The following DENND2C variants were observed in gnomAD, a reference collection of about 807,000 sequenced individuals.
DENND2C encodes DENN domain containing 2C.
A neutral mutation model predicts 112.4 loss-of-function variants in DENND2C; 72 were observed. The observed-to-expected ratio is 0.64, with a 90% CI of 0.53 to 0.78. The LOEUF (loss-of-function observed/expected upper bound fraction) is 0.78. Ranked by LOEUF, DENND2C falls within the 30% of genes least tolerant of loss-of-function variation. DENND2C has a pLI of 0.00. For missense variants in DENND2C, 992 were observed against 1,113.8 expected, an observed-to-expected ratio of 0.89 and a Z score of 1.56; for synonymous variants, 329 against 381.6, an observed-to-expected ratio of 0.86 and a Z score of 1.61.
chr1:114,590,778 C>CA (rs33970610), intron 18 of DENND2C, among the ~76,000 whole-genome samples: 69,440 of 112,956 alleles, frequency 0.61, 22,297 homozygotes, highest in African/African-American at 0.71. Flanking sequence ...GACTCCGTCT[C>CA]AAAAAAAAAA....
At chr1:114,628,970 C>G (rs1656418326) in intron 3 of DENND2C, among the ~76,000 whole-genome samples, 1 of 152,206 alleles carries the variant, frequency 6.6e-6, no homozygotes, top group Non-Finnish European at 1.5e-5. Context: ...CTTCCTAAAG[C>G]CAACTTATTT....
intron 3 of DENND2C, among the ~76,000 whole-genome samples, chr1:114,644,380 A>G (rs1253301812): frequency 6.6e-6 from 1 of 152,190 alleles, no homozygotes; most frequent in Non-Finnish European, 1.5e-5. Flanking sequence ...AGCACCCAGA[A>G]GAGTATGCAC....
intron 1 of DENND2C, among the ~76,000 whole-genome samples, chr1:114,667,870 T>C (rs1319116893): frequency 6.6e-6 from 1 of 152,194 alleles, no homozygotes; most frequent in Middle Eastern, 3.2e-3. Context: ...CTTAATGAGA[T>C]AATCATAATA....
intron 2 of DENND2C, among the ~76,000 whole-genome samples, chr1:114,653,016 G>A (rs1249006225): frequency 2.0e-5 from 3 of 152,006 alleles, no homozygotes; most frequent in Non-Finnish European, 2.9e-5. Context: ...TTTTCGATCC[G>A]TGATTGGTTG....
At chr1:114,602,341 GA>G in intron 11 of DENND2C, 147 bp from the exon 12 acceptor site, 1 of 732,146 alleles carries the variant, frequency 1.4e-6, no homozygotes, top group Non-Finnish European at 2.1e-6. Context: ...ATTCTCCATG[GA>G]AAAAACAATT....
chr1:114,601,053 T>G (rs1655491302), intron 13 of DENND2C, 93 bp from the exon 14 acceptor site: 1 of 1,332,914 alleles, frequency 7.5e-7, no homozygotes, highest in Non-Finnish European at 1.0e-6. Flanking sequence ...GTACAAACTT[T>G]AAAATAACCC....
At chr1:114,663,354 T>C (rs1294567922) in intron 1 of DENND2C, among the ~76,000 whole-genome samples, 1 of 152,250 alleles carries the variant, frequency 6.6e-6, no homozygotes, top group Non-Finnish European at 1.5e-5. Context: ...AAAAACATTT[T>C]TCAAACATAC....
intron 2 of DENND2C, among the ~76,000 whole-genome samples, chr1:114,647,968 CA>C (rs1657044299): frequency 6.6e-6 from 1 of 151,622 alleles, no homozygotes; most frequent in African/African-American, 2.4e-5. Flanking sequence ...CCACCATGCG[CA>C]GCTAATTTTT....
At chr1:114,612,821 C>T (rs1655860675) in intron 8 of DENND2C, among the ~76,000 whole-genome samples, 1 of 151,764 alleles carries the variant, frequency 6.6e-6, no homozygotes, top group African/African-American at 2.4e-5. Context: ...CCCAGCCACC[C>T]AGCTAATTTT....
chr1:114,590,778 C>A (rs79047063), intron 18 of DENND2C, among the ~76,000 whole-genome samples: 995 of 112,796 alleles, frequency 8.8e-3, no homozygotes, highest in East Asian at 0.018. Context: ...GACTCCGTCT[C>A]AAAAAAAAAA....
chr1:114,656,918 A>G (rs951024615), intron 1 of DENND2C, among the ~76,000 whole-genome samples: 1 of 151,530 alleles, frequency 6.6e-6, no homozygotes, highest in Non-Finnish European at 1.5e-5. Context: ...CACCTGGCTA[A>G]CTTTTGTATT....
At chr1:114,627,097 C>T (rs1211174459) in intron 3 of DENND2C, among the ~76,000 whole-genome samples, 1 of 152,150 alleles carries the variant, frequency 6.6e-6, no homozygotes, top group African/African-American at 2.4e-5. Context: ...ATGTAATAAC[C>T]TATTTGACGA....
intron 1 of DENND2C, among the ~76,000 whole-genome samples, chr1:114,656,074 CT>C (rs372647406): frequency 1.3e-5 from 2 of 150,626 alleles, no homozygotes; most frequent in Non-Finnish European, 3.0e-5. Context: ...CAATTTTTTT[CT>C]TTTTTTTCGG....
At chr1:114,592,271 C>A (rs551341621) in intron 18 of DENND2C, among the ~76,000 whole-genome samples, 1 of 152,262 alleles carries the variant, frequency 6.6e-6, no homozygotes, top group African/African-American at 2.4e-5. Flanking sequence ...TATGTATATG[C>A]ACTCTGTATT....
At position 114,587,487 on chromosome 1, in the gene DENND2C, C is replaced by T. The variant is rs758845362; in HGVS notation, c.2669-14G>A. 2 of 1,613,972 alleles carry T rather than the reference C, an allele frequency of 1.2e-6. No homozygotes were observed. Among genetic ancestry groups the T allele is most frequent in the Non-Finnish European group, 1.7e-6 (2 of 1,179,860 alleles). On this transcript the variant is annotated splice_polypyrimidine_tract_variant and intron_variant, in intron 19 of 20. Transcript: ENST00000393274. Reference sequence around the variant, plus strand: ...TCTCAAACAAACCTACAAGGAAAAACTCATGTTGGTGAAACTGTGTAACAC... The same window carrying T: ...TCTCAAACAAACCTACAAGGAAAAATTCATGTTGGTGAAACTGTGTAACAC...
chr1:114,628,993 T>C (rs1188096458), intron 3 of DENND2C, among the ~76,000 whole-genome samples: 1 of 152,254 alleles, frequency 6.6e-6, no homozygotes, highest in Admixed American at 6.5e-5. Flanking sequence ...ATACTTGTCC[T>C]AGAGACTGCT....
chr1:114,592,529 G>A (rs1655223075), intron 18 of DENND2C, among the ~76,000 whole-genome samples: 1 of 151,848 alleles, frequency 6.6e-6, no homozygotes, highest in African/African-American at 2.4e-5. Flanking sequence ...ATCAGCCTGG[G>A]CAACATCGTG....
chr1:114,656,998 A>T (rs559009989), intron 1 of DENND2C, among the ~76,000 whole-genome samples: 5 of 146,386 alleles, frequency 3.4e-5, no homozygotes, highest in Non-Finnish European at 7.6e-5. Flanking sequence ...TGATCTGCCC[A>T]CCTTGGCCTC....
In DENND2C at chr1:114,625,373, T is replaced by TCCA. The variant is rs1656304835; in HGVS notation, c.609_611dup (p.Gly204dup). 1 of 1,614,182 alleles carries TCCA rather than the reference T, an allele frequency of 6.2e-7. No homozygotes were observed. ...GTTTTGGCAAAGGATTTATGGAAGG[T>TCCA]CCACATTCTTGCCCCTCAGGTTCAG... is the stretch of plus-strand genomic sequence containing the variant. On this transcript the variant is annotated inframe_insertion, in exon 4 of 21. Coordinates refer to ENST00000393274, the MANE Select transcript of DENND2C (RefSeq NM_001256404.2).
Sources: allele counts gnomAD v4.1 joint callset (sites outside exome capture counted in the v4.1 genomes callset), GRCh38; gene constraint gnomAD v4.1.1; transcripts MANE v1.5; gene names NCBI Gene and HGNC (gene_info 2026-07-23, HGNC 2026-07-21).